The following MUC3A variants were observed in gnomAD, a reference collection of about 807,000 sequenced individuals.
MUC3A encodes mucin 3A, cell surface associated, also known as mucin-3A.
In MUC3A, 109 loss-of-function variants were observed where a neutral mutation model predicts 109.0. That is an observed-to-expected ratio of 1.00 (90% CI 0.86 to 1.17). The LOEUF is 1.17. Ranked by LOEUF, MUC3A falls within the 50% of genes most tolerant of loss-of-function variation. The probability of loss-of-function intolerance (pLI) is 0.00; values close to 1 mark genes in which losing one functional copy is unlikely to be tolerated. For missense variants in MUC3A, 3,537 were observed against 2,469.4 expected (o/e 1.43, Z -9.16); for synonymous variants, 1,398 against 981.4 (o/e 1.42, Z -7.93).
intron 4 of MUC3A, 44 bp from the exon 5 acceptor site, chr7:100,963,644 G>A (rs1347523865): frequency 1.9e-6 from 3 of 1,598,302 alleles, no homozygotes; most frequent in Non-Finnish European, 2.5e-6. Flanking sequence ...GTCCCCTCAG[G>A]TCTGCAGGTT....
rs1166645059 is a variant in MUC3A at position 100,959,284 on chromosome 7, C to T, written c.7505C>T (p.Ser2502Leu). The change falls in exon 2 of 12, where the codon TCA becomes TTA. Residue 2502 changes from serine to leucine, a missense_variant. By Grantham distance (145) the Ser-to-Leu change is moderately radical. Coordinates refer to ENST00000379458, the MANE Select transcript of MUC3A (RefSeq NM_005960.2). ...CCTTCGTCTGTGGGCACCAGCACTT[C>T]ATTGACTACAACCACAGACTTTCCC... ...LTPSSVGTST[S>L]LTTTTDFPSI... is the part of the protein sequence containing the mutation. 1.9e-6 allele frequency: 3 copies of T among 1,589,046 alleles called. No individual in the cohort carries two copies. The highest frequency in any genetic ancestry group is 2.6e-6 in the Non-Finnish European group (3 of 1,174,458).
chr7:100,966,910 A>G lies in MUC3A; in HGVS notation c.9889A>G (p.Asn3297Asp), dbSNP rs750429175. ...CTCTCTCTCTCTAGACAAGGATACAAATTTCTATGTGGCCTTGGAGAACGT... is the reference window on the plus strand; with the variant it reads ...CTCTCTCTCTCTAGACAAGGATACAGATTTCTATGTGGCCTTGGAGAACGT... ...FEDDGTDKDT[N>D]FYVALENVDT... Residue 3297 changes from asparagine (N) to aspartate (D), a missense_variant, in exon 11 of 12, where the codon AAT becomes GAT. Physicochemically the swap from Asn to Asp is conservative, Grantham distance 23. Transcript: ENST00000379458. 2 of 1,598,542 alleles carry G rather than the reference A, an allele frequency of 1.3e-6. No homozygotes were observed. The highest frequency in any genetic ancestry group is 4.5e-5 in the East Asian group (2 of 44,888).
intron 5 of MUC3A, chr7:100,964,160 G>T: frequency 3.1e-6 from 1 of 323,772 alleles, no homozygotes; most frequent in Non-Finnish European, 5.8e-6. Context: ...CGTCAGGCCA[G>T]ATGTGGTGGC....
chr7:100,952,279 T>G lies in MUC3A; in HGVS notation c.500T>G (p.Val167Gly), dbSNP rs190671827. The change falls in exon 2 of 12, where the codon GTG becomes GGG. Residue 167 changes from valine (V) to glycine (G), a missense_variant. Transcript: ENST00000379458. Reference sequence around the variant, plus strand: ...TCGACTCCCGTGACACAGAAGCCAGTGACCACCGTCACCAGTACTTACTCT... The same window carrying G: ...TCGACTCCCGTGACACAGAAGCCAGGGACCACCGTCACCAGTACTTACTCT... ...YTSTPVTQKPVTTVTSTYSMT... is the reference protein window; with the variant it reads ...YTSTPVTQKPGTTVTSTYSMT... 32 of 1,598,508 alleles carry G rather than the reference T, an allele frequency of 2.0e-5. No homozygotes were observed. The East Asian group carries it at 6.9e-4, about 34-fold the overall frequency.
In MUC3A at chr7:100,966,444, T is replaced by C. The variant is rs1792563302; in HGVS notation, c.9670T>C (p.Trp3224Arg). The change falls in exon 9 of 12, where the codon TGG becomes CGG. Residue 3224 changes from tryptophan to arginine, a missense_variant. Transcript: ENST00000379458. ...SGPRCEVAVH[W>R]RALVGGLTAG... is the part of the protein sequence containing the mutation. ...CCCGCGCTGCGAGGTGGCCGTCCACTGGAGGGCGCTGGTCGGGGGCCTGAC... is the reference window on the plus strand; with the variant it reads ...CCCGCGCTGCGAGGTGGCCGTCCACCGGAGGGCGCTGGTCGGGGGCCTGAC... The C allele has an allele frequency of 7.4e-7, 1 of 1,348,666 alleles. No individual in the cohort carries two copies. Among genetic ancestry groups the C allele is most frequent in the Non-Finnish European group, 9.5e-7 (1 of 1,058,024 alleles). 83.5% of individuals were successfully genotyped at this position (1,348,666 alleles called of 1,614,324 possible). A position where few individuals can be genotyped will look rare whatever the true frequency, so the allele number is the denominator to read the frequency against.
chr7:100,964,087 G>T, intron 5 of MUC3A: 2 of 494,762 alleles, frequency 4.0e-6, no homozygotes, highest in Non-Finnish European at 7.3e-6. Context: ...GAAAGAGAGA[G>T]AGGGAGAGAA....
In MUC3A at chr7:100,966,558, C is replaced by A. The variant is rs1380555806; in HGVS notation, c.9784C>A (p.Arg3262=). Residue 3262 remains arginine (R), a splice_region_variant and synonymous_variant, in exon 9 of 12, where the codon CGG becomes AGG. Coordinates refer to ENST00000379458, the MANE Select transcript of MUC3A (RefSeq NM_005960.2). ...ATGGTGGGGCGGCCAGCGCCGAGGC[C>A]GGTGAGCGTGCGGGGGGCGGGGCCG... is the stretch of plus-strand genomic sequence containing the variant. ...SGWWGGQRRG[R]SWDQDRKWFE... 2 of 1,456,374 alleles carry A rather than the reference C, an allele frequency of 1.4e-6. No individual in the cohort carries two copies. Among genetic ancestry groups the A allele is most frequent in the Non-Finnish European group, 1.8e-6 (2 of 1,115,112 alleles). The allele number at this position is 1,456,374 out of a possible 1,614,324, so 90.2% of individuals were successfully genotyped here. A position where few individuals can be genotyped will look rare whatever the true frequency, so the allele number is the denominator to read the frequency against.
chr7:100,966,132 T>C (rs2116227290), intron 8 of MUC3A: 1 of 529,882 alleles, frequency 1.9e-6, no homozygotes, highest in East Asian at 3.5e-5. Context: ...CTCCTCGTTC[T>C]AGGGTTGAAC....
Position 100,954,821 on chromosome 7 carries a change from C to A in MUC3A, c.3042C>A (p.Ile1014=). Residue 1014 remains isoleucine (I), a synonymous_variant, in exon 2 of 12, where the codon ATC becomes ATA. Transcript: ENST00000379458. Reference sequence around the variant, plus strand: ...CTCCTCCCCCCGTCAGTTCTTCAATCACTCCCACCAATACAATGACTTCTA... The same window carrying A: ...CTCCTCCCCCCGTCAGTTCTTCAATAACTCCCACCAATACAATGACTTCTA... ...MTSPPPVSSS[I]TPTNTMTSMR... is the part of the protein sequence containing the mutation. 1 of 393,018 alleles carries A rather than the reference C, an allele frequency of 2.5e-6. No homozygotes were observed. Among genetic ancestry groups the A allele is most frequent in the Non-Finnish European group, 4.4e-6 (1 of 226,072 alleles). 24.3% of individuals were successfully genotyped at this position (393,018 alleles called of 1,614,324 possible).
chr7:100,966,849 T>G lies in MUC3A; in HGVS notation c.9878-50T>G, dbSNP rs776729003. On this transcript the variant is annotated intron_variant, in intron 10 of 11. Coordinates refer to ENST00000379458, the MANE Select transcript of MUC3A (RefSeq NM_005960.2). ...GCATTTACTCCGTCCCCCTCTCCCT[T>G]CCGTCCCCTCCCTCTCCCCTTCTCT... 3.4e-5 allele frequency: 55 copies of G among 1,598,416 alleles called. No individual in the cohort carries two copies. The East Asian group carries it at 1.2e-3, about 34-fold the overall frequency.
At position 100,958,909 on chromosome 7, in the gene MUC3A, C is replaced by A; in HGVS notation, c.7130C>A (p.Ser2377Tyr). 1 of 1,593,734 alleles carries A rather than the reference C, an allele frequency of 6.3e-7. No individual in the cohort carries two copies. Among genetic ancestry groups the A allele is most frequent in the East Asian group, 2.3e-5 (1 of 44,354 alleles). ...TCACACAGTACTCCCAGCTTCAGTT[C>A]TTCAATCACCACCACTGAGACCCCC... ...TTSHSTPSFS[S>Y]SITTTETPLH... The change falls in exon 2 of 12, where the codon TCT becomes TAT. Residue 2377 changes from serine (S) to tyrosine (Y), a missense_variant. Transcript: ENST00000379458.
chr7:100,965,992 C>G, intron 8 of MUC3A, 126 bp downstream of exon 8: 1 of 1,387,816 alleles, frequency 7.2e-7, no homozygotes, highest in Non-Finnish European at 9.5e-7. Context: ...CCCAGAGTGC[C>G]GCTCCAAGCC....
rs1792052451 is a variant in MUC3A, at chr7:100,954,552, G to A, written c.2773G>A (p.Glu925Lys). ...SESSAGTTHT[E>K]SISSPRGTTS... The stretch of plus-strand genomic sequence containing the variant: ...AAGTAGTGCTGGGACCACTCACACA[G>A]AGAGTATCTCCTCACCTCGAGGCAC... Residue 925 changes from glutamate to lysine, a missense_variant, in exon 2 of 12, where the codon GAG becomes AAG. Glu to Lys is a moderately conservative substitution (Grantham distance 56). Transcript: ENST00000379458. 2.5e-6 allele frequency: 1 copy of A among 400,802 alleles called. No homozygotes were observed. The highest frequency in any genetic ancestry group is 1.3e-4 in the South Asian group (1 of 7,968). The allele number at this position is 400,802 out of a possible 1,614,324, so 24.8% of individuals were successfully genotyped here.
At position 100,959,402 on chromosome 7, in the gene MUC3A, G is replaced by A; in HGVS notation, c.7623G>A (p.Val2541=). The change falls in exon 2 of 12, where the codon GTG becomes GTA. Residue 2541 remains valine (V), a synonymous_variant. Transcript: ENST00000379458. The part of the protein sequence containing the change: ...SIQSTETSSL[V]GTTSPTMSTV... The stretch of plus-strand genomic sequence containing the variant: ...AAAGTACAGAAACCTCATCCCTTGT[G>A]GGCACCACCTCTCCCACCATGTCCA... The A allele has an allele frequency of 6.5e-7, 1 of 1,536,890 alleles. No homozygotes were observed. Among genetic ancestry groups the A allele is most frequent in the South Asian group, 1.3e-5 (1 of 78,444 alleles).
chr7:100,963,109 A>C, intron 3 of MUC3A, 42 bp from the exon 4 acceptor site: 1 of 1,584,658 alleles, frequency 6.3e-7, no homozygotes, highest in Non-Finnish European at 8.5e-7. Flanking sequence ...TTCAGACAAA[A>C]GCAGACAGAG....
intron 8 of MUC3A, 140 bp from the exon 9 acceptor site, chr7:100,966,246 C>CTAGGGTGGATT (rs1792546315): frequency 1.7e-6 from 1 of 577,270 alleles, no homozygotes; most frequent in Admixed American, 4.9e-5. Context: ...AGGGTGGATT[C>CTAGGGTGGATT]CCAGCCCCTT....
rs774691556 is a variant in MUC3A at position 100,966,399 on chromosome 7, G to C, written c.9625G>C (p.Asp3209His). 112 of 1,343,114 alleles carry C rather than the reference G, an allele frequency of 8.3e-5. No individual in the cohort carries two copies. Among genetic ancestry groups the C allele is most frequent in the Non-Finnish European group, 1.0e-4 (108 of 1,053,368 alleles). 83.2% of individuals were successfully genotyped at this position (1,343,114 alleles called of 1,614,324 possible). A position where few individuals can be genotyped will look rare whatever the true frequency, so the allele number is the denominator to read the frequency against. Residue 3209 changes from aspartate to histidine, a missense_variant, in exon 9 of 12, where the codon GAC becomes CAC. Asp to His is a moderately conservative substitution (Grantham distance 81, BLOSUM62 -1). Coordinates refer to ENST00000379458, the MANE Select transcript of MUC3A (RefSeq NM_005960.2). ...GATCTCCCGCAGCTGCTACTCCACC[G>C]ACACGCACTGGTTCTCTGGCCCGCG... ...SGPTCRCYST[D>H]THWFSGPRCE...
At position 100,960,468 on chromosome 7, in the gene MUC3A, A is replaced by G. The variant is rs539328064; in HGVS notation, c.8689A>G (p.Ser2897Gly). Reference sequence around the variant, plus strand: ...CATCCCGCTCACCATGAAACCAAGCAGTAGCCTCCCGACCATCCTGAGGAC... The same window carrying G: ...CATCCCGCTCACCATGAAACCAAGCGGTAGCCTCCCGACCATCCTGAGGAC... Reference protein sequence around the residue: ...STIPLTMKPSSSLPTILRTSS... With the variant: ...STIPLTMKPSGSLPTILRTSS... Residue 2897 changes from serine (S) to glycine (G), a missense_variant, in exon 2 of 12, where the codon AGT becomes GGT. Transcript: ENST00000379458. The G allele has an allele frequency of 2.4e-5, 38 of 1,598,484 alleles. No individual in the cohort carries two copies. The South Asian group carries it at 3.8e-4, about 16-fold the overall frequency.
At chr7:100,950,126 T>A (rs78290941) in intron 1 of MUC3A, among the ~76,000 whole-genome samples, 1 of 152,170 alleles carries the variant, frequency 6.6e-6, no homozygotes, top group Non-Finnish European at 1.5e-5. Flanking sequence ...GCCCTCTAAC[T>A]TCTACCCCTG....
Sources: gnomAD v4.1 joint callset for allele counts (sites outside exome capture counted in the v4.1 genomes callset) on GRCh38, gnomAD v4.1.1 for gene constraint, MANE v1.5 for transcripts, NCBI Gene and HGNC (gene_info 2026-07-23, HGNC 2026-07-21) for gene names.